The following CACNB4 variants were observed in gnomAD, a reference collection of about 807,000 sequenced individuals.
The protein encoded by CACNB4 is calcium voltage-gated channel auxiliary subunit beta 4.
Under a neutral mutation model 71.2 loss-of-function variants are expected in CACNB4, and 32 were observed. That is an observed-to-expected ratio of 0.45 (90% CI 0.34 to 0.60). CACNB4 has a LOEUF of 0.60. CACNB4 is among the 20% of genes least tolerant of loss of function. CACNB4 has a pLI of 0.01. For missense variants in CACNB4, 464 were observed against 647.9 expected, an observed-to-expected ratio of 0.72 and a Z score of 3.08; for synonymous variants, 231 against 236.9, an observed-to-expected ratio of 0.97 and a Z score of 0.23.
At chr2:151,872,605 C>T in intron 5 of CACNB4, 112 bp from the exon 6 acceptor site, 1 of 627,080 alleles carries the variant, frequency 1.6e-6, no homozygotes, top group East Asian at 2.9e-5. Flanking sequence ...CAAAACACAC[C>T]AAATTCTGCT....
chr2:152,013,003 C>T (rs1242385428), intron 2 of CACNB4, among the ~76,000 whole-genome samples: 1 of 152,194 alleles, frequency 6.6e-6, no homozygotes, highest in Non-Finnish European at 1.5e-5. Flanking sequence ...TTTTACTGTA[C>T]CTTTTCTATG....
intron 2 of CACNB4, among the ~76,000 whole-genome samples, chr2:151,937,213 C>T (rs2151621417): frequency 6.6e-6 from 1 of 152,302 alleles, no homozygotes. Flanking sequence ...GGTGTAATAA[C>T]TATATGCCAG....
At chr2:151,870,221 G>A (rs1310396311) in intron 8 of CACNB4, 1 of 701,164 alleles carries the variant, frequency 1.4e-6, no homozygotes, top group African/African-American at 1.7e-5. Flanking sequence ...TAATGAGAAT[G>A]GTCAAGACAG....
intron 9 of CACNB4, among the ~76,000 whole-genome samples, chr2:151,862,959 C>T (rs1310629148): frequency 1.3e-5 from 2 of 152,130 alleles, no homozygotes; most frequent in Non-Finnish European, 2.9e-5. Context: ...GTAGAGTAAA[C>T]CCACACCTGA....
At chr2:151,894,146 T>C (rs113796153) in intron 2 of CACNB4, among the ~76,000 whole-genome samples, 74 of 152,152 alleles carry the variant, frequency 4.9e-4, no homozygotes, top group African/African-American at 1.7e-3. Context: ...GGGCAACAGA[T>C]CAAAACTCTG....
In CACNB4 at chr2:151,955,097, C is replaced by T. The variant is rs564035756; in HGVS notation, c.148-71727G>A. On this transcript the variant is annotated intron_variant, in intron 2 of 13. Coordinates refer to ENST00000539935, the MANE Select transcript of CACNB4 (RefSeq NM_000726.5). ...GTCTCGATCTCCTGACCTTGTGATC[C>T]GCCCACCTCAGCCTCCCAAAGTGCT... 1.6e-4 allele frequency among the ~76,000 whole-genome samples: 24 copies of T among 152,120 alleles called. No homozygotes were observed. In the South Asian group the frequency reaches 4.4e-3, roughly 28 times the overall value.
At chr2:151,851,491 C>G (rs2099839066) in intron 12 of CACNB4, 1 of 152,196 alleles carries the variant, frequency 6.6e-6, no homozygotes, top group Non-Finnish European at 1.5e-5. Context: ...TTTGAAATCT[C>G]TGACCTGGGT....
chr2:151,964,087 A>AAAAAT (rs1291914342), intron 2 of CACNB4, among the ~76,000 whole-genome samples: 2,827 of 151,090 alleles, frequency 0.019, 36 homozygotes, highest in Middle Eastern at 0.031. Context: ...AAAAAAAAAA[A>AAAAAT]AAAGAATGTT....
intron 2 of CACNB4, among the ~76,000 whole-genome samples, chr2:151,929,444 GA>G (rs1553778327): frequency 6.6e-6 from 1 of 152,104 alleles, no homozygotes. Context: ...TAATATACCA[GA>G]AGGCTTTAAT....
At chr2:151,970,020 A>G (rs902487537) in intron 2 of CACNB4, 1 of 152,186 alleles carries the variant, frequency 6.6e-6, no homozygotes, top group Non-Finnish European at 1.5e-5. Context: ...GAATTTAAGC[A>G]TTTGGAAATG....
At chr2:152,029,439 A>G (rs568063919) in intron 2 of CACNB4, among the ~76,000 whole-genome samples, 1 of 149,832 alleles carries the variant, frequency 6.7e-6, no homozygotes, top group South Asian at 2.1e-4. Flanking sequence ...GGTTGCAGTG[A>G]GCCAAGACCA....
Position 151,833,697 on chromosome 2 carries a change from C to T in CACNB4, c.*5422G>A, listed in dbSNP as rs1001969218. ...AATCTGACAAAACTTAGAACTAAAT[C>T]GACATACTTTTAAAAAATATGACTG... On this transcript the variant is annotated 3_prime_UTR_variant, in exon 14 of 14. Transcript: ENST00000539935. 5.9e-5 allele frequency: 9 copies of T among 151,910 alleles called. No individual in the cohort carries two copies. The highest frequency in any genetic ancestry group is 2.2e-4 in the African/African-American group (9 of 41,388). The allele number at this position is 151,910 out of a possible 1,614,324, so 9.4% of individuals were successfully genotyped here.
intron 2 of CACNB4, among the ~76,000 whole-genome samples, chr2:152,058,397 A>T (rs983619424): frequency 3.3e-5 from 5 of 152,234 alleles, no homozygotes; most frequent in African/African-American, 1.2e-4. Flanking sequence ...AAGATTTGAA[A>T]CTTCCTAGAA....
chr2:151,975,865 G>A (rs944504337), intron 2 of CACNB4, among the ~76,000 whole-genome samples: 1 of 152,118 alleles, frequency 6.6e-6, no homozygotes, highest in East Asian at 1.9e-4. Flanking sequence ...GATATTCCCC[G>A]ATTGTGTTAA....
At position 152,098,776 on chromosome 2, in the gene CACNB4, G is replaced by C. The variant is rs1346828703; in HGVS notation, c.63+173C>G. ...GGAGGAGGAAGAGAAGGAGGAGAAA[G>C]AGGAGGAGCGGGAGGAGAAAGGGAC... On this transcript the variant is annotated intron_variant, in intron 1 of 13. Transcript: ENST00000539935. The surrounding 1 kb of genome is among the most constrained non-coding windows in gnomAD (Gnocchi z 5.3). The C allele has an allele frequency of 7.8e-7, 1 of 1,285,048 alleles. No individual in the cohort carries two copies. The highest frequency in any genetic ancestry group is 1.5e-5 in the African/African-American group (1 of 67,362). The allele number at this position is 1,285,048 out of a possible 1,614,324, so 79.6% of individuals were successfully genotyped here.
In CACNB4 at chr2:152,098,861, C is replaced by G; in HGVS notation, c.63+88G>C. ...TCCCGGGACTGGGGCCCCGCACGCC[C>G]GGCACGAAGGCGGGGCGCGCTAGGG... On this transcript the variant is annotated intron_variant, in intron 1 of 13. Transcript: ENST00000539935. The surrounding 1 kb of genome is among the most constrained non-coding windows in gnomAD (Gnocchi z 5.3). The G allele has an allele frequency of 6.1e-6, 7 of 1,141,496 alleles. No individual in the cohort carries two copies. The highest frequency in any genetic ancestry group is 8.5e-6 in the Non-Finnish European group (7 of 824,070). The allele number at this position is 1,141,496 out of a possible 1,614,324, so 70.7% of individuals were successfully genotyped here. A position where few individuals can be genotyped will look rare whatever the true frequency, so the allele number is the denominator to read the frequency against.
intron 2 of CACNB4, among the ~76,000 whole-genome samples, chr2:151,945,471 G>A (rs1003749261): frequency 1.3e-5 from 2 of 152,020 alleles, no homozygotes; most frequent in Admixed American, 1.3e-4. Flanking sequence ...GTTCAAGGTG[G>A]TGAAACCTTG....
intron 2 of CACNB4, among the ~76,000 whole-genome samples, chr2:151,937,460 C>T (rs1204457511): frequency 6.6e-6 from 1 of 152,142 alleles, no homozygotes; most frequent in African/African-American, 2.4e-5. Flanking sequence ...ATCTGAGATG[C>T]CAAGGCCTCC....
chr2:151,920,315 C>CTTT (rs1559996320), intron 2 of CACNB4, among the ~76,000 whole-genome samples: 2 of 81,050 alleles, frequency 2.5e-5, no homozygotes, highest in African/African-American at 5.2e-5. Flanking sequence ...TCTTCTTCTT[C>CTTT]TTCTTTTTTT....
Sources: allele counts gnomAD v4.1 joint callset (sites outside exome capture counted in the v4.1 genomes callset), GRCh38; gene constraint gnomAD v4.1.1; non-coding constraint Gnocchi (gnomAD v3.1); transcripts MANE v1.5; gene names NCBI Gene and HGNC (gene_info 2026-07-23, HGNC 2026-07-21).